The following CNTN5 variants were observed in gnomAD, a reference collection of about 807,000 sequenced individuals.
The protein encoded by CNTN5 is contactin-5.
In CNTN5, 77 loss-of-function variants were observed where a neutral mutation model predicts 129.1. The observed-to-expected ratio is 0.60, with a 90% CI of 0.50 to 0.72. The LOEUF (loss-of-function observed/expected upper bound fraction) is 0.72, where lower values mean the gene tolerates loss of function less well. Among genes scored for constraint, CNTN5 ranks in the 30% least tolerant of loss-of-function variants. CNTN5 has a pLI of 0.00. For missense variants in CNTN5, 1,478 were observed against 1,328.8 expected (o/e 1.11, Z -1.75); for synonymous variants, 509 against 465.6 (o/e 1.09, Z -1.20).
chr11:99,089,342 T>G (rs1264949842), intron 1 of CNTN5, among the ~76,000 whole-genome samples: 1 of 152,212 alleles, frequency 6.6e-6, no homozygotes, highest in Non-Finnish European at 1.5e-5. Flanking sequence ...GCAAACACTT[T>G]ATACAGATAA....
chr11:99,902,199 G>A (rs139925810), intron 6 of CNTN5, among the ~76,000 whole-genome samples: 75 of 150,500 alleles, frequency 5.0e-4, no homozygotes, highest in African/African-American at 1.7e-3. Context: ...GAACCAGAGC[G>A]TGGATCTACT....
At chr11:99,912,602 A>G (rs1949690264) in intron 6 of CNTN5, among the ~76,000 whole-genome samples, 2 of 151,416 alleles carry the variant, frequency 1.3e-5, no homozygotes, top group East Asian at 1.9e-4. Context: ...ACACTCCATC[A>G]TCTAAAGCTC....
chr11:99,610,428 A>C (rs1160761964), intron 3 of CNTN5, among the ~76,000 whole-genome samples: 3 of 152,140 alleles, frequency 2.0e-5, no homozygotes, highest in South Asian at 2.1e-4. Context: ...ATGGGATCCA[A>C]ATGATGAATT....
At chr11:99,751,414 A>G (rs901426979) in intron 3 of CNTN5, among the ~76,000 whole-genome samples, 1 of 152,208 alleles carries the variant, frequency 6.6e-6, no homozygotes, top group Non-Finnish European at 1.5e-5. Context: ...TGAACAACTT[A>G]GTTCCCAGTC....
At chr11:99,152,577 GA>G (rs1361026241) in intron 1 of CNTN5, among the ~76,000 whole-genome samples, 1 of 152,152 alleles carries the variant, frequency 6.6e-6, no homozygotes, top group Non-Finnish European at 1.5e-5. Context: ...GCATACCACT[GA>G]GTTTTACTAT....
At chr11:100,040,691 C>G (rs1942325911) in intron 9 of CNTN5, among the ~76,000 whole-genome samples, 1 of 152,194 alleles carries the variant, frequency 6.6e-6, no homozygotes, top group Non-Finnish European at 1.5e-5. Flanking sequence ...GCCCCTCCCC[C>G]AGCCTCACTG....
intron 2 of CNTN5, among the ~76,000 whole-genome samples, chr11:99,552,207 G>GTTTTTTTTTTTTTTT (rs758718492): frequency 1.4e-5 from 2 of 146,698 alleles, no homozygotes; most frequent in East Asian, 2.2e-4. Flanking sequence ...CACCTGGTCA[G>GTTTTTTTTTTTTTTT]TTTTTGTGTT....
intron 3 of CNTN5, among the ~76,000 whole-genome samples, chr11:99,666,112 T>A (rs989471902): frequency 2.0e-5 from 3 of 151,908 alleles, no homozygotes; most frequent in African/African-American, 7.2e-5. Context: ...GAATTATAGG[T>A]ATGTGTCACC....
At chr11:99,785,967 C>G (rs969039718) in intron 3 of CNTN5, among the ~76,000 whole-genome samples, 2 of 152,042 alleles carry the variant, frequency 1.3e-5, no homozygotes, top group Non-Finnish European at 2.9e-5. Flanking sequence ...CTGTCTCTCA[C>G]CACTCCTATT....
intron 21 of CNTN5, among the ~76,000 whole-genome samples, chr11:100,311,687 G>C (rs1296023271): frequency 6.6e-6 from 1 of 151,966 alleles, no homozygotes; most frequent in African/African-American, 2.4e-5. Context: ...TCAAAATGGA[G>C]AGAATGTTCC....
chr11:99,583,719 C>A (rs948594006), intron 3 of CNTN5, among the ~76,000 whole-genome samples: 2 of 152,184 alleles, frequency 1.3e-5, no homozygotes, highest in African/African-American at 4.8e-5. Context: ...CAGGTGCCGT[C>A]TGTCACCCCT....
chr11:99,909,998 G>C (rs1034281042), intron 6 of CNTN5, among the ~76,000 whole-genome samples: 5 of 152,010 alleles, frequency 3.3e-5, no homozygotes, highest in African/African-American at 1.2e-4. Context: ...ATATCATGTG[G>C]TGTAATAGGA....
At chr11:99,466,966 G>A (rs949552972) in intron 2 of CNTN5, among the ~76,000 whole-genome samples, 1 of 152,082 alleles carries the variant, frequency 6.6e-6, no homozygotes, top group Non-Finnish European at 1.5e-5. Flanking sequence ...TTTCCTATGT[G>A]CCTAGAGAAA....
intron 3 of CNTN5, among the ~76,000 whole-genome samples, chr11:99,764,325 G>A (rs1944682568): frequency 6.6e-6 from 1 of 151,810 alleles, no homozygotes; most frequent in South Asian, 2.1e-4. Context: ...AACAAGTTGG[G>A]TGACTCATGG....
intron 1 of CNTN5, among the ~76,000 whole-genome samples, chr11:99,089,033 C>G (rs189563479): frequency 1.1e-4 from 16 of 151,754 alleles, no homozygotes; most frequent in African/African-American, 3.9e-4. Context: ...AGTTAATAAC[C>G]GATTAAAAAA....
chr11:99,763,530 G>A (rs530515671), intron 3 of CNTN5, among the ~76,000 whole-genome samples: 20 of 152,140 alleles, frequency 1.3e-4, no homozygotes, highest in African/African-American at 4.6e-4. Context: ...AAAGTATTAA[G>A]TAACATTGTT....
chr11:99,189,391 C>T (rs1332014175), intron 1 of CNTN5, among the ~76,000 whole-genome samples: 5 of 151,436 alleles, frequency 3.3e-5, no homozygotes, highest in Non-Finnish European at 1.5e-5. Context: ...TGATTTATCT[C>T]TTTTAAAAAT....
intron 6 of CNTN5, among the ~76,000 whole-genome samples, chr11:99,914,020 C>T (rs900156760): frequency 4.6e-5 from 7 of 152,008 alleles, no homozygotes; most frequent in African/African-American, 1.7e-4. Flanking sequence ...GAAACAGAGG[C>T]CAGAGGATTG....
At chr11:99,288,210 T>G (rs1456630115) in intron 1 of CNTN5, among the ~76,000 whole-genome samples, 1 of 151,914 alleles carries the variant, frequency 6.6e-6, no homozygotes, top group African/African-American at 2.4e-5. Flanking sequence ...GTTTGCTATA[T>G]ATAAGCAGGG....
Sources: allele counts gnomAD v4.1 joint callset (sites outside exome capture counted in the v4.1 genomes callset), GRCh38; gene constraint gnomAD v4.1.1; transcripts MANE v1.5; gene names NCBI Gene and HGNC (gene_info 2026-07-23, HGNC 2026-07-21).